CNTN5: variants seen among roughly 807,000 people sequenced by gnomAD.
CNTN5 encodes the protein contactin 5, also known as contactin-5.
Under a neutral mutation model 129.1 loss-of-function variants are expected in CNTN5, and 77 were observed. The observed-to-expected ratio is 0.60, with a 90% CI of 0.50 to 0.72. CNTN5 has a LOEUF of 0.72. CNTN5 is among the 30% of genes least tolerant of loss of function. CNTN5 has a pLI of 0.00. For missense variants in CNTN5, 1,478 were observed against 1,328.8 expected (o/e 1.11, Z -1.75); for synonymous variants, 509 against 465.6 (o/e 1.09, Z -1.20).
At position 99,414,803 on chromosome 11, in the gene CNTN5, T is replaced by G. The variant is rs147600538; in HGVS notation, c.-71+89319T>G. Among the ~76,000 whole-genome samples, 11 of 152,266 alleles carry G rather than the reference T, an allele frequency of 7.2e-5. No homozygotes were observed. In the East Asian group the frequency reaches 2.1e-3, roughly 29 times the overall value. Reference sequence around the variant, plus strand: ...TGGAAGAATGGCAAGAAAGTCTTTGTGTCTGTCGTGAGTGACAGAGGAGAG... The same window carrying G: ...TGGAAGAATGGCAAGAAAGTCTTTGGGTCTGTCGTGAGTGACAGAGGAGAG... On this transcript the variant is annotated intron_variant, in intron 2 of 24. Transcript: ENST00000524871.
intron 2 of CNTN5, among the ~76,000 whole-genome samples, chr11:99,543,705 G>A (rs966306722): frequency 2.6e-5 from 4 of 152,078 alleles, no homozygotes; most frequent in Admixed American, 6.5e-5. Flanking sequence ...ATCACCTGAG[G>A]TCAGGAGTTC....
chr11:99,909,394 T>C (rs12225577), intron 6 of CNTN5, among the ~76,000 whole-genome samples: 23,902 of 152,050 alleles, frequency 0.16, 2,145 homozygotes, highest in Non-Finnish European at 0.2. Flanking sequence ...ATTGTGGAAG[T>C]CAGTGTGGCG....
At chr11:99,765,691 T>C (rs1329228666) in intron 3 of CNTN5, among the ~76,000 whole-genome samples, 1 of 151,440 alleles carries the variant, frequency 6.6e-6, no homozygotes, top group East Asian at 1.9e-4. Context: ...GAATTTTTAA[T>C]GTCAAAGACA....
intron 1 of CNTN5, among the ~76,000 whole-genome samples, chr11:99,102,621 C>T (rs568131699): frequency 6.6e-6 from 1 of 152,134 alleles, no homozygotes; most frequent in Non-Finnish European, 1.5e-5. Flanking sequence ...CAAGAGTCAC[C>T]GTTACTCCAG....
At chr11:100,290,383 A>G (rs2138858645) in intron 18 of CNTN5, among the ~76,000 whole-genome samples, 1 of 151,230 alleles carries the variant, frequency 6.6e-6, no homozygotes, top group African/African-American at 2.4e-5. Flanking sequence ...TAACCAAAAC[A>G]GCATGGTACT....
At chr11:99,496,979 G>A (rs1012519038) in intron 2 of CNTN5, among the ~76,000 whole-genome samples, 6 of 152,136 alleles carry the variant, frequency 3.9e-5, no homozygotes, top group Non-Finnish European at 5.9e-5. Context: ...CACTTCCAGT[G>A]CTTCCTAGTT....
rs1055886846 is a variant in CNTN5, at chr11:99,315,130, A to G, written c.-209-10216A>G. On this transcript the variant is annotated intron_variant, in intron 1 of 24. Coordinates refer to ENST00000524871, the MANE Select transcript of CNTN5 (RefSeq NM_014361.4). The stretch of plus-strand genomic sequence containing the variant: ...CTAGGCAGAGTGATGAATACCCTCT[A>G]GTAGTCATGGAAGAATAAAAGCATT... Among the ~76,000 whole-genome samples the G allele has an allele frequency of 4.0e-5, 6 of 149,382 alleles. 2 individuals are homozygous for G. Among genetic ancestry groups the G allele is most frequent in the African/African-American group, 4.9e-5 (2 of 41,014 alleles).
intron 16 of CNTN5, among the ~76,000 whole-genome samples, chr11:100,227,179 A>T (rs1447673407): frequency 1.3e-5 from 2 of 152,132 alleles, no homozygotes; most frequent in Admixed American, 6.5e-5. Context: ...TGTTCTTATG[A>T]TTCTATTTCA....
chr11:99,213,426 A>G (rs1450197850), intron 1 of CNTN5, among the ~76,000 whole-genome samples: 1 of 145,706 alleles, frequency 6.9e-6, no homozygotes, highest in Non-Finnish European at 1.5e-5. Flanking sequence ...ATACATATAT[A>G]CACGTGTATA....
At chr11:100,111,694 T>A (rs574350813) in intron 13 of CNTN5, among the ~76,000 whole-genome samples, 1 of 152,318 alleles carries the variant, frequency 6.6e-6, no homozygotes, top group South Asian at 2.1e-4. Flanking sequence ...AAGTGTACAA[T>A]CCATTATTGT....
chr11:99,496,624 G>C (rs1364713065), intron 2 of CNTN5, among the ~76,000 whole-genome samples: 1 of 152,172 alleles, frequency 6.6e-6, no homozygotes, highest in African/African-American at 2.4e-5. Flanking sequence ...CTAGCAAGAG[G>C]CTGAGGAAAC....
intron 13 of CNTN5, among the ~76,000 whole-genome samples, chr11:100,076,757 T>A (rs908371585): frequency 1.6e-4 from 25 of 152,116 alleles, no homozygotes; most frequent in African/African-American, 5.5e-4. Context: ...ATGTTTTAGG[T>A]CAATAAACTG....
At chr11:99,037,217 A>G (rs1445892719) in intron 1 of CNTN5, among the ~76,000 whole-genome samples, 1 of 152,170 alleles carries the variant, frequency 6.6e-6, no homozygotes, top group Non-Finnish European at 1.5e-5. Context: ...TCTCACTGGG[A>G]ATTTTTTTCA....
intron 3 of CNTN5, among the ~76,000 whole-genome samples, chr11:99,594,319 G>T (rs1950062616): frequency 6.6e-6 from 1 of 152,158 alleles, no homozygotes; most frequent in Non-Finnish European, 1.5e-5. Context: ...GTGCAGTACT[G>T]TGAAAAGCTG....
At chr11:99,857,962 G>A (rs998502894) in intron 6 of CNTN5, among the ~76,000 whole-genome samples, 1 of 152,004 alleles carries the variant, frequency 6.6e-6, no homozygotes, top group Non-Finnish European at 1.5e-5. Context: ...GAAAATGTAT[G>A]TGCAAATGTT....
intron 7 of CNTN5, among the ~76,000 whole-genome samples, chr11:99,930,796 A>AACACACACACACACACACACACACAC (rs59103010): frequency 1.3e-5 from 2 of 149,454 alleles, no homozygotes; most frequent in African/African-American, 4.9e-5. Flanking sequence ...CATACACACA[A>AACACACACACACACACACACACACAC]ACACACACAC....
intron 8 of CNTN5, among the ~76,000 whole-genome samples, chr11:99,993,749 C>A (rs1304012650): frequency 6.6e-6 from 1 of 152,036 alleles, no homozygotes; most frequent in African/African-American, 2.4e-5. Flanking sequence ...GGTGGGGAAC[C>A]CTGAGCTAGG....
chr11:99,669,937 C>T (rs1952966812), intron 3 of CNTN5, among the ~76,000 whole-genome samples: 1 of 152,158 alleles, frequency 6.6e-6, no homozygotes, highest in African/African-American at 2.4e-5. Context: ...AGTTTGACAA[C>T]TAAAGTCTAT....
At chr11:99,634,919 C>A (rs891915931) in intron 3 of CNTN5, among the ~76,000 whole-genome samples, 2 of 152,124 alleles carry the variant, frequency 1.3e-5, no homozygotes, top group Admixed American at 1.3e-4. Context: ...AGATATGGAA[C>A]TCTCACCGGT....
Sources: allele counts gnomAD v4.1 joint callset (sites outside exome capture counted in the v4.1 genomes callset), GRCh38; gene constraint gnomAD v4.1.1; transcripts MANE v1.5; gene names NCBI Gene and HGNC (gene_info 2026-07-23, HGNC 2026-07-21).